The following CYP2A7 variants were observed in gnomAD, a reference collection of about 807,000 sequenced individuals.
The protein encoded by CYP2A7 is cytochrome P450 family 2 subfamily A member 7.
Under a neutral mutation model 42.0 loss-of-function variants are expected in CYP2A7, and 36 were observed. The observed-to-expected ratio is 0.86, with a 90% CI of 0.66 to 1.13. The LOEUF is 1.13. Among genes scored for constraint, CYP2A7 ranks in the 50% most tolerant of loss-of-function variants. The probability of loss-of-function intolerance (pLI) is 0.00; values close to 1 mark genes in which losing one functional copy is unlikely to be tolerated. For synonymous variants in CYP2A7, 260 were observed against 249.5 expected, an observed-to-expected ratio of 1.04 and a Z score of -0.40; for missense variants, 661 against 634.1, an observed-to-expected ratio of 1.04 and a Z score of -0.46.
intron 7 of CYP2A7, chr19:40,876,879 C>T (rs1289377542): frequency 1.5e-5 from 11 of 735,436 alleles, no homozygotes; most frequent in Admixed American, 6.1e-5. Flanking sequence ...TGTCTTGCTA[C>T]GCAGGTTGTT....
In CYP2A7 at chr19:40,876,803, G is replaced by T. The variant is rs962613395; in HGVS notation, c.1162-135C>A. On this transcript the variant is annotated intron_variant, in intron 7 of 8. Coordinates refer to ENST00000301146, the MANE Select transcript of CYP2A7 (RefSeq NM_000764.3). ...CATGGAGGAGTTGGGGTCCTGTGAA[G>T]GAGGAGCTTTGGGGAATAGAAGGTT... The T allele has an allele frequency of 3.6e-5, 45 of 1,238,234 alleles. No homozygotes were observed. The African/African-American group carries it at 5.9e-4, about 16-fold the overall frequency. 76.7% of individuals were successfully genotyped at this position (1,238,234 alleles called of 1,614,324 possible).
In CYP2A7 at chr19:40,877,456, GTGGATGA is replaced by G. The variant is rs1967562624; in HGVS notation, c.974-86_974-80del. The G allele has an allele frequency of 2.5e-6, 4 of 1,569,702 alleles. No homozygotes were observed. In the African/African-American group the frequency reaches 5.4e-5, roughly 21 times the overall value. Reference sequence around the variant, plus strand: ...TGATAGTCTGAATAGGTAAAACGGGGTGGATGATACGGCTCCCCCTATGAGACGGAGG... The same window carrying G: ...TGATAGTCTGAATAGGTAAAACGGGGTACGGCTCCCCCTATGAGACGGAGG... On this transcript the variant is annotated intron_variant, in intron 6 of 8. Coordinates refer to ENST00000301146, the MANE Select transcript of CYP2A7 (RefSeq NM_000764.3).
rs1398255895 is a variant in CYP2A7, at chr19:40,875,540, G to A, written c.*153C>T. 5 of 1,082,216 alleles carry A rather than the reference G, an allele frequency of 4.6e-6. No homozygotes were observed. The highest frequency in any genetic ancestry group is 6.6e-6 in the Non-Finnish European group (5 of 758,596). 67.0% of individuals were successfully genotyped at this position (1,082,216 alleles called of 1,614,324 possible). On this transcript the variant is annotated 3_prime_UTR_variant, in exon 9 of 9. Transcript: ENST00000301146. ...GAAGCACCTTATCAAGGTGAACTGAGCCGCTTCTGTTTCTTCTCTTCCCTC... is the reference window on the plus strand; with the variant it reads ...GAAGCACCTTATCAAGGTGAACTGAACCGCTTCTGTTTCTTCTCTTCCCTC...
Position 40,877,835 on chromosome 19 carries a change from T to A in CYP2A7, c.973+17A>T. 2 of 1,590,724 alleles carry A rather than the reference T, an allele frequency of 1.3e-6. No homozygotes were observed. Among genetic ancestry groups the A allele is most frequent in the Non-Finnish European group, 1.7e-6 (2 of 1,170,180 alleles). On this transcript the variant is annotated intron_variant, in intron 6 of 8. Transcript: ENST00000301146. ...GAGGGTCTGGGGCCCTCCACTTCCG[T>A]CCCCCTCCAGCCTTACCCTCCACCT...
rs1425880798 is a variant in CYP2A7 at position 40,875,615 on chromosome 19, C to A, written c.*78G>T. 2.0e-5 allele frequency: 32 copies of A among 1,604,446 alleles called. 3 individuals are homozygous for A. The highest frequency in any genetic ancestry group is 2.7e-5 in the Non-Finnish European group (32 of 1,173,752). On this transcript the variant is annotated 3_prime_UTR_variant, in exon 9 of 9. Transcript: ENST00000301146. ...CGCATCTTCCCCCCATTCTTATACC[C>A]GCCTCTTCCGCGAACCCCGCCCTGA...
At chr19:40,878,328 C>G (rs1188283406) in intron 5 of CYP2A7, among the ~76,000 whole-genome samples, 1 of 151,800 alleles carries the variant, frequency 6.6e-6, no homozygotes, top group African/African-American at 2.4e-5. Flanking sequence ...CCCTTAGCCT[C>G]CTGAGTAGCT....
rs1599792588 is a variant in CYP2A7, at chr19:40,878,798, G to C, written c.793C>G (p.Gln265Glu). The C allele has an allele frequency of 6.2e-7, 1 of 1,611,632 alleles. No homozygotes were observed. ...NQRTLDPNSP[Q>E]DFIDSFLIHM... is the part of the protein sequence containing the mutation. ...ATGAGAAAGGAGTCGATGAAGTCCT[G>C]TGGGGAATTGGGATCCAGCGTGCGC... Residue 265 changes from glutamine (Q) to glutamate (E), a missense_variant, in exon 5 of 9, where the codon CAG becomes GAG. This residue lies in a region of CYP2A7 where 614 missense variants were observed against 552.4 expected (regional missense o/e 1.11). Coordinates refer to ENST00000301146, the MANE Select transcript of CYP2A7 (RefSeq NM_000764.3).
chr19:40,878,332 A>C (rs1363440199), intron 5 of CYP2A7, among the ~76,000 whole-genome samples: 4 of 151,618 alleles, frequency 2.6e-5, no homozygotes, highest in Non-Finnish European at 5.9e-5. Context: ...TAGCCTCCTG[A>C]GTAGCTGGAA....
chr19:40,878,719 G>A, intron 5 of CYP2A7, 41 bp downstream of exon 5: 1 of 1,602,378 alleles, frequency 6.2e-7, no homozygotes, highest in Admixed American at 1.7e-5. Flanking sequence ...ATTTCCCTCT[G>A]CCTGGCTTTG....
intron 6 of CYP2A7, among the ~76,000 whole-genome samples, chr19:40,877,625 C>G (rs569577833): frequency 6.6e-6 from 1 of 151,434 alleles, no homozygotes; most frequent in Non-Finnish European, 1.5e-5. Context: ...GCAGCGGGCA[C>G]TCAGTGGGCT....
chr19:40,880,415 G>A (rs1377403046), intron 3 of CYP2A7, 64 bp downstream of exon 3: 1 of 1,580,992 alleles, frequency 6.3e-7, no homozygotes, highest in Admixed American at 1.7e-5. Flanking sequence ...GGCAGAACGC[G>A]CGCGGGTTCC....
At position 40,876,714 on chromosome 19, in the gene CYP2A7, T is replaced by C. The variant is rs1473045988; in HGVS notation, c.1162-46A>G. On this transcript the variant is annotated intron_variant, in intron 7 of 8. Coordinates refer to ENST00000301146, the MANE Select transcript of CYP2A7 (RefSeq NM_000764.3). ...GTGTGTGATGAGGAGGGTCGGGGGATTGGTGAAAGTACACAGGGGCTGGAG... is the reference window on the plus strand; with the variant it reads ...GTGTGTGATGAGGAGGGTCGGGGGACTGGTGAAAGTACACAGGGGCTGGAG... The C allele has an allele frequency of 2.5e-6, 4 of 1,578,090 alleles. No individual in the cohort carries two copies. In the South Asian group the frequency reaches 3.5e-5, roughly 14 times the overall value.
intron 1 of CYP2A7, 41 bp from the exon 2 acceptor site, chr19:40,881,792 C>A (rs1408004954): frequency 3.1e-6 from 5 of 1,600,416 alleles, no homozygotes; most frequent in African/African-American, 1.3e-5. Flanking sequence ...GAGCAGCCCC[C>A]ACTCTGAATG....
rs528423546 is a variant in CYP2A7 at position 40,877,382 on chromosome 19, G to A, written c.974-5C>T. Reference sequence around the variant, plus strand: ...CAATCTCCTCATGGACCTTGGCTGGGGGAGGAGGGGGAATGTGTTTAGGTA... The same window carrying A: ...CAATCTCCTCATGGACCTTGGCTGGAGGAGGAGGGGGAATGTGTTTAGGTA... On this transcript the variant is annotated splice_region_variant and splice_polypyrimidine_tract_variant and intron_variant, in intron 6 of 8. Transcript: ENST00000301146. 7 of 1,610,984 alleles carry A rather than the reference G, an allele frequency of 4.3e-6. No individual in the cohort carries two copies. Among genetic ancestry groups the A allele is most frequent in the Non-Finnish European group, 5.9e-6 (7 of 1,177,778 alleles).
intron 5 of CYP2A7, among the ~76,000 whole-genome samples, chr19:40,878,276 G>A (rs1967581177): frequency 6.6e-6 from 1 of 151,464 alleles, no homozygotes; most frequent in African/African-American, 2.4e-5. Context: ...TTGCTAAGTT[G>A]CACAGGCTGG....
rs1967506171 is a variant in CYP2A7 at position 40,875,613 on chromosome 19, C to A, written c.*80G>T. ...CCCGCATCTTCCCCCCATTCTTATACCCGCCTCTTCCGCGAACCCCGCCCT... is the reference window on the plus strand; with the variant it reads ...CCCGCATCTTCCCCCCATTCTTATAACCGCCTCTTCCGCGAACCCCGCCCT... On this transcript the variant is annotated 3_prime_UTR_variant, in exon 9 of 9. Transcript: ENST00000301146. 1.2e-6 allele frequency: 2 copies of A among 1,601,684 alleles called. No homozygotes were observed. The highest frequency in any genetic ancestry group is 1.7e-6 in the Non-Finnish European group (2 of 1,172,040).
chr19:40,875,859 A>C lies in CYP2A7; in HGVS notation c.1319T>G (p.Phe440Cys), dbSNP rs1967518300. Residue 440 changes from phenylalanine to cysteine, a missense_variant, in exon 9 of 9, where the codon TTC becomes TGC. Around this residue, in one of 3 missense-constraint regions of CYP2A7, gnomAD observed 25 missense variants for 62.4 expected, o/e 0.40. Coordinates refer to ENST00000301146, the MANE Select transcript of CYP2A7 (RefSeq NM_000764.3). Reference sequence around the variant, plus strand: ...CTCCATTCTGGCCAGGCCTTCTCCGAAACAGTTCCGCTTTCCTGAGGAGGA... The same window carrying C: ...CTCCATTCTGGCCAGGCCTTCTCCGCAACAGTTCCGCTTTCCTGAGGAGGA... ...VPFSIGKRNC[F>C]GEGLARMELF... is the part of the protein sequence containing the mutation. The C allele has an allele frequency of 6.4e-7, 1 of 1,556,340 alleles. No individual in the cohort carries two copies. Among genetic ancestry groups the C allele is most frequent in the Admixed American group, 1.9e-5 (1 of 53,684 alleles).
rs1268866589 is a variant in CYP2A7 at position 40,877,319 on chromosome 19, C to A, written c.1032G>T (p.Glu344Asp). ...CCATGTAGGGCATCTTGGTCCGGTC[C>A]TCAAACTTGGGCTGCCGGTTCTTGC... ...VIGKNRQPKF[E>D]DRTKMPYMEA... The change falls in exon 7 of 9, where the codon GAG (glutamate) becomes GAT (aspartate). Residue 344 changes from glutamate to aspartate, a missense_variant. Physicochemically the swap from Glu to Asp is conservative, Grantham distance 45. This residue lies in a region of CYP2A7 where 614 missense variants were observed against 552.4 expected (regional missense o/e 1.11). Transcript: ENST00000301146. The A allele has an allele frequency of 5.0e-6, 8 of 1,612,638 alleles. No individual in the cohort carries two copies. Among genetic ancestry groups the A allele is most frequent in the African/African-American group, 2.7e-5 (2 of 74,820 alleles).
rs1404198489 is a variant in CYP2A7, at chr19:40,878,871, C to T, written c.720G>A (p.Leu240=). The change falls in exon 5 of 9, where the codon TTG becomes TTA. Residue 240 remains leucine, a synonymous_variant. Coordinates refer to ENST00000301146, the MANE Select transcript of CYP2A7 (RefSeq NM_000764.3). ...LPGPQQQAFK[L]LQGLEDFIAK... ...CTATGAAGTCCTCCAGCCCTTGCAGCAACTTAAAGGCCTGTTGCTGTGGTC... is the reference window on the plus strand; with the variant it reads ...CTATGAAGTCCTCCAGCCCTTGCAGTAACTTAAAGGCCTGTTGCTGTGGTC... The T allele has an allele frequency of 3.1e-6, 5 of 1,610,888 alleles. No individual in the cohort carries two copies. The African/African-American group carries it at 4.0e-5, about 13-fold the overall frequency.
Sources: allele counts gnomAD v4.1 joint callset (sites outside exome capture counted in the v4.1 genomes callset), GRCh38; gene constraint gnomAD v4.1.1; regional missense constraint gnomAD v4.1.1; transcripts MANE v1.5; gene names NCBI Gene and HGNC (gene_info 2026-07-23, HGNC 2026-07-21).